Variants in MYCBP2 observed in about 807,000 individuals in gnomAD.
MYCBP2 encodes the protein MYC binding protein 2, also known as E3 ubiquitin-protein ligase MYCBP2.
MYCBP2 carries 120 observed loss-of-function variants against 525.3 expected under a neutral mutation model. The ratio of observed to expected loss-of-function variants is 0.23; its 90% CI spans 0.20 to 0.27. MYCBP2 has a LOEUF of 0.27. Among genes scored for constraint, MYCBP2 ranks in the 10% least tolerant of loss-of-function variants. The pLI, the probability that MYCBP2 is intolerant of heterozygous loss-of-function variation, is 1.00. For missense variants in MYCBP2, 4,149 were observed against 5,657.1 expected (o/e 0.73, Z 8.55); for synonymous variants, 1,894 against 1,955.8 (o/e 0.97, Z 0.83).
Position 77,323,183 on chromosome 13 carries a change from T to C in MYCBP2, c.302+3291A>G, listed in dbSNP as rs891922009. ...ACTGAGGCATAGAAGTTATGTAATA[T>C]ACTCAAAGTTACACAGCTAGCAAAT... On this transcript the variant is annotated intron_variant, in intron 1 of 82. Transcript: ENST00000544440. Among the ~76,000 whole-genome samples the C allele has an allele frequency of 2.6e-5, 4 of 152,342 alleles. No homozygotes were observed. The South Asian group carries it at 8.3e-4, about 32-fold the overall frequency.
At chr13:77,277,774 T>C (rs74707095) in intron 4 of MYCBP2, among the ~76,000 whole-genome samples, 237 of 152,314 alleles carry the variant, frequency 1.6e-3, no homozygotes, top group African/African-American at 5.3e-3. Flanking sequence ...CTAATGAGAA[T>C]TGAGAACCAC....
intron 49 of MYCBP2, among the ~76,000 whole-genome samples, chr13:77,141,640 G>A (rs1027453549): frequency 1.1e-4 from 16 of 151,742 alleles, no homozygotes; most frequent in East Asian, 3.9e-4. Context: ...GCCTGGTGGC[G>A]CGCACCTGTA....
In MYCBP2 at chr13:77,051,931, C is replaced by T. The variant is rs778372780; in HGVS notation, c.13648-13G>A. 16 of 1,606,966 alleles carry T rather than the reference C, an allele frequency of 1.0e-5. No individual in the cohort carries two copies. The highest frequency in any genetic ancestry group is 1.3e-5 in the African/African-American group (1 of 74,724). ...CACCAAAATATGCCTGTGGAGAAAA[C>T]ACATCTAGATTACAGCAGGAAAAAA... On this transcript the variant is annotated splice_polypyrimidine_tract_variant and intron_variant, in intron 80 of 82. Transcript: ENST00000544440.
rs540610233 is a variant in MYCBP2, at chr13:77,146,339, GA to G, written c.7132-123del. The G allele has an allele frequency of 2.5e-3, 1,145 of 463,298 alleles. 5 individuals are homozygous for G. The highest frequency in any genetic ancestry group is 2.0e-3 in the Non-Finnish European group (583 of 289,308). 28.7% of individuals were successfully genotyped at this position (463,298 alleles called of 1,614,324 possible). ...ACTGGTTATACATATAGGAGAAAAA[GA>G]AAAAAAATTACCTACTTTAGACCAT... On this transcript the variant is annotated intron_variant, in intron 47 of 82. Transcript: ENST00000544440.
rs147711528 is a variant in MYCBP2, at chr13:77,157,608, C to T, written c.6770+329G>A. On this transcript the variant is annotated intron_variant, in intron 45 of 82. Coordinates refer to ENST00000544440, the MANE Select transcript of MYCBP2 (RefSeq NM_015057.5). The stretch of plus-strand genomic sequence containing the variant: ...AAAAAATACAAAAAAGAAAAATAGC[C>T]GGGTGTGGTGGCATATCTGTAATCC... Among the ~76,000 whole-genome samples the T allele has an allele frequency of 6.3e-3, 950 of 151,788 alleles. 35 individuals carry two copies. The highest frequency in any genetic ancestry group is 0.016 in the East Asian group (84 of 5,154).
At chr13:77,170,052 C>A (rs2058986772) in intron 38 of MYCBP2, among the ~76,000 whole-genome samples, 1 of 152,102 alleles carries the variant, frequency 6.6e-6, no homozygotes, top group Non-Finnish European at 1.5e-5. Context: ...GTAATGGAGT[C>A]TTTATTTTAA....
intron 14 of MYCBP2, among the ~76,000 whole-genome samples, chr13:77,252,542 A>C (rs2071398247): frequency 6.6e-6 from 1 of 152,148 alleles, no homozygotes; most frequent in South Asian, 2.1e-4. Context: ...ATTATTTTTT[A>C]TATTTGACTT....
At chr13:77,064,090 G>C (rs2039801587) in intron 73 of MYCBP2, among the ~76,000 whole-genome samples, 1 of 152,182 alleles carries the variant, frequency 6.6e-6, no homozygotes, top group African/African-American at 2.4e-5. Context: ...TACTATAAAT[G>C]TGTCATCTGA....
intron 45 of MYCBP2, 97 bp from the exon 46 acceptor site, chr13:77,156,299 C>A: frequency 1.8e-6 from 2 of 1,137,152 alleles, no homozygotes; most frequent in Non-Finnish European, 1.2e-6. Flanking sequence ...AAACTTGTAT[C>A]AAACAAAATG....
Position 77,083,146 on chromosome 13 carries a change from A to T in MYCBP2, c.10922T>A (p.Ile3641Asn). 2 of 1,613,522 alleles carry T rather than the reference A, an allele frequency of 1.2e-6. No individual in the cohort carries two copies. The highest frequency in any genetic ancestry group is 1.7e-6 in the Non-Finnish European group (2 of 1,179,620). The change falls in exon 63 of 83, where the codon ATT (isoleucine) becomes AAT (asparagine). Residue 3641 changes from isoleucine (I) to asparagine (N), a missense_variant. By Grantham distance (149) the Ile-to-Asn change is moderately radical. Around this residue, in one of 21 missense-constraint regions of MYCBP2, gnomAD observed 509 missense variants for 789.4 expected, o/e 0.64. Transcript: ENST00000544440. ...VCEHPLSDIV[I>N]AGEAAHPLPH... ...TAAAGGATGAGCAGCTTCCCCGGCA[A>T]TCACTATGTCTGAGAGTGGATGTTC...
At chr13:77,219,941 T>G (rs979100673) in intron 20 of MYCBP2, among the ~76,000 whole-genome samples, 2 of 152,122 alleles carry the variant, frequency 1.3e-5, no homozygotes, top group African/African-American at 4.8e-5. Context: ...CCCATGTCTT[T>G]CATCAAACTC....
chr13:77,150,169 A>G lies in MYCBP2; in HGVS notation c.7131+565T>C, dbSNP rs182514154. ...AAGGTATTAGAGAGCTAAAAATCCC[A>G]AAGAGTTCTAGGAGATACATCTGGC... is the stretch of plus-strand genomic sequence containing the variant. On this transcript the variant is annotated intron_variant, in intron 47 of 82. Transcript: ENST00000544440. Among the ~76,000 whole-genome samples the G allele has an allele frequency of 4.7e-3, 712 of 152,346 alleles. 3 individuals are homozygous for G. The highest frequency in any genetic ancestry group is 0.015 in the African/African-American group (623 of 41,566).
In MYCBP2 at chr13:77,058,110, G is replaced by A; in HGVS notation, c.13329+108C>T. On this transcript the variant is annotated intron_variant, in intron 78 of 82. Transcript: ENST00000544440. This position sits in a 1 kb window ranked among gnomAD's most constrained non-coding sequence, Gnocchi z 4.1. ...CTGCCTCGGCCTCCCAAAGTGCTGGGATTACAGGCATGAGCCACTGCGCCC... is the reference window on the plus strand; with the variant it reads ...CTGCCTCGGCCTCCCAAAGTGCTGGAATTACAGGCATGAGCCACTGCGCCC... 1 of 1,257,128 alleles carries A rather than the reference G, an allele frequency of 8.0e-7. No homozygotes were observed. 77.9% of individuals were successfully genotyped at this position (1,257,128 alleles called of 1,614,324 possible).
intron 77 of MYCBP2, among the ~76,000 whole-genome samples, chr13:77,059,288 A>G (rs1374451760): frequency 6.6e-6 from 1 of 152,208 alleles, no homozygotes; most frequent in Non-Finnish European, 1.5e-5. Context: ...ACAAAAGTAG[A>G]TATTAAATAC....
chr13:77,324,409 C>T (rs1334864194), intron 1 of MYCBP2, among the ~76,000 whole-genome samples: 2 of 152,174 alleles, frequency 1.3e-5, no homozygotes, highest in African/African-American at 4.8e-5. Flanking sequence ...ACAAATAATT[C>T]TATCATTCAT....
At chr13:77,307,362 G>A (rs994443242) in intron 1 of MYCBP2, among the ~76,000 whole-genome samples, 3 of 151,444 alleles carry the variant, frequency 2.0e-5, no homozygotes, top group African/African-American at 4.9e-5. Flanking sequence ...AATTCAAAAG[G>A]GGAAAAAAGT....
chr13:77,327,008 A>G lies in MYCBP2; in HGVS notation c.-233T>C, dbSNP rs531347180. 9 of 443,064 alleles carry G rather than the reference A, an allele frequency of 2.0e-5. No individual in the cohort carries two copies. The South Asian group carries it at 6.1e-4, about 30-fold the overall frequency. 27.4% of individuals were successfully genotyped at this position (443,064 alleles called of 1,614,324 possible). The stretch of plus-strand genomic sequence containing the variant: ...GCTCATCTAACCCCGCCACCCCGGG[A>G]ATGTGAGGAGGAGGCGGTGCCGCCA... On this transcript the variant is annotated 5_prime_UTR_variant, in exon 1 of 83. Transcript: ENST00000544440.
chr13:77,134,846 G>C (rs772733184), intron 52 of MYCBP2, among the ~76,000 whole-genome samples: 9 of 152,164 alleles, frequency 5.9e-5, no homozygotes, highest in Non-Finnish European at 1.0e-4. Flanking sequence ...TGTTTAAATA[G>C]AAAGACTGAT....
At chr13:77,204,086 A>G (rs2062978734) in intron 26 of MYCBP2, among the ~76,000 whole-genome samples, 1 of 150,052 alleles carries the variant, frequency 6.7e-6, no homozygotes, top group Non-Finnish European at 1.5e-5. Flanking sequence ...CAGCAAAAGA[A>G]ACTACCATCA....
Sources: gnomAD v4.1 joint callset for allele counts (sites outside exome capture counted in the v4.1 genomes callset) on GRCh38, gnomAD v4.1.1 for gene constraint, gnomAD v4.1.1 regional missense constraint, Gnocchi (gnomAD v3.1) non-coding constraint, MANE v1.5 for transcripts, NCBI Gene and HGNC (gene_info 2026-07-23, HGNC 2026-07-21) for gene names.